Variants in SPAG1 observed in about 807,000 individuals in gnomAD.
SPAG1 encodes sperm-associated antigen 1.
SPAG1 carries 69 observed loss-of-function variants against 100.5 expected under a neutral mutation model. That is an observed-to-expected ratio of 0.69 (90% CI 0.57 to 0.84). SPAG1 has a LOEUF of 0.84. SPAG1 is among the 40% of genes least tolerant of loss of function. The pLI, the probability that SPAG1 is intolerant of heterozygous loss-of-function variation, is 0.00. For missense variants in SPAG1, 955 were observed against 1,133.1 expected, an observed-to-expected ratio of 0.84 and a Z score of 2.26; for synonymous variants, 336 against 411.6, an observed-to-expected ratio of 0.82 and a Z score of 2.22.
intron 10 of SPAG1, among the ~76,000 whole-genome samples, chr8:100,199,568 C>T (rs1247126052): frequency 6.6e-5 from 10 of 152,140 alleles, no homozygotes; most frequent in Non-Finnish European, 1.5e-4. Flanking sequence ...GCCTCAGCCT[C>T]CCAAGTAGCT....
At position 100,220,427 on chromosome 8, in the gene SPAG1, A is replaced by T. The variant is rs1171117187; in HGVS notation, c.1684A>T (p.Asn562Tyr). 9 of 1,608,666 alleles carry T rather than the reference A, an allele frequency of 5.6e-6. No homozygotes were observed. Among genetic ancestry groups the T allele is most frequent in the Non-Finnish European group, 7.6e-6 (9 of 1,178,416 alleles). Reference protein sequence around the residue: ...CGLQLANDSVNRLSRILMELD... With the variant: ...CGLQLANDSVYRLSRILMELD... ...ACTCCAGCTAGCAAATGACAGTGTT[A>T]ACAGGTAATTAATCTGAGGCAGCTA... The change falls in exon 13 of 19, where the codon AAC becomes TAC. Residue 562 changes from asparagine to tyrosine, a missense_variant. Physicochemically the swap from Asn to Tyr is moderately radical, Grantham distance 143. Transcript: ENST00000388798.
chr8:100,206,017 CAAAAAAAAAAAA>C (rs574907013), intron 10 of SPAG1, among the ~76,000 whole-genome samples: 9 of 77,346 alleles, frequency 1.2e-4, no homozygotes, highest in South Asian at 4.9e-4. Flanking sequence ...GACTCTGTCT[CAAAAAAAAAAAA>C]AAAAAAAAAA....
chr8:100,210,928 A>G (rs1217831012), intron 10 of SPAG1, among the ~76,000 whole-genome samples: 1 of 151,812 alleles, frequency 6.6e-6, no homozygotes, highest in Non-Finnish European at 1.5e-5. Flanking sequence ...CCCGGGGTCC[A>G]AATGATTCTC....
Position 100,162,261 on chromosome 8 carries a change from T to C in SPAG1, c.-2-18T>C. The C allele has an allele frequency of 6.4e-7, 1 of 1,562,718 alleles. No homozygotes were observed. Among genetic ancestry groups the C allele is most frequent in the Non-Finnish European group, 8.7e-7 (1 of 1,148,052 alleles). The stretch of plus-strand genomic sequence containing the variant: ...TATTTATACATTAGATTAATAACTT[T>C]TAAATATTGTATTTCAGCTATGACC... On this transcript the variant is annotated intron_variant, in intron 1 of 18. Coordinates refer to ENST00000388798, the MANE Select transcript of SPAG1 (RefSeq NM_003114.5).
rs1425700282 is a variant in SPAG1, at chr8:100,231,186, A to G, written c.1886A>G (p.Glu629Gly). Residue 629 changes from glutamate (E) to glycine (G), a missense_variant, in exon 15 of 19, where the codon GAA becomes GGA. Transcript: ENST00000388798. ...AAAACATTTAAAGCCCTTAAGGAAG[A>G]AGGAAATCAATGTGTAAATGACAAA... is the stretch of plus-strand genomic sequence containing the variant. ...DEKTFKALKE[E>G]GNQCVNDKNY... 1.2e-6 allele frequency: 2 copies of G among 1,608,480 alleles called. No homozygotes were observed. Among genetic ancestry groups the G allele is most frequent in the African/African-American group, 2.7e-5 (2 of 74,890 alleles).
intron 14 of SPAG1, among the ~76,000 whole-genome samples, chr8:100,225,999 T>G (rs889774446): frequency 6.3e-5 from 8 of 126,072 alleles, no homozygotes; most frequent in African/African-American, 2.1e-4. Flanking sequence ...TGCCAGCTAG[T>G]TTTTTTTTTT....
At chr8:100,179,376 C>G (rs1025620823) in intron 4 of SPAG1, among the ~76,000 whole-genome samples, 5 of 152,076 alleles carry the variant, frequency 3.3e-5, no homozygotes, top group African/African-American at 1.2e-4. Context: ...GAGGGAGAAT[C>G]CATCTCAAAA....
chr8:100,217,368 A>G (rs1818045838), intron 12 of SPAG1, among the ~76,000 whole-genome samples: 2 of 152,168 alleles, frequency 1.3e-5, no homozygotes, highest in Non-Finnish European at 2.9e-5. Context: ...TTTGGGAAAA[A>G]CTACCATTTG....
Position 100,187,256 on chromosome 8 carries a change from A to C in SPAG1, c.832+6A>C. On this transcript the variant is annotated splice_donor_region_variant and intron_variant, in intron 8 of 18. Coordinates refer to ENST00000388798, the MANE Select transcript of SPAG1 (RefSeq NM_003114.5). ...AGAACCTGGAAACGTAAAGGGTAAAAAATATTATAGAATTCTTTTACATTT... is the reference window on the plus strand; with the variant it reads ...AGAACCTGGAAACGTAAAGGGTAAACAATATTATAGAATTCTTTTACATTT... 1 of 1,599,838 alleles carries C rather than the reference A, an allele frequency of 6.3e-7. No homozygotes were observed. Among genetic ancestry groups the C allele is most frequent in the Non-Finnish European group, 8.5e-7 (1 of 1,172,826 alleles).
intron 14 of SPAG1, among the ~76,000 whole-genome samples, chr8:100,228,029 A>G (rs1019699920): frequency 2.0e-5 from 3 of 151,690 alleles, no homozygotes; most frequent in Non-Finnish European, 4.4e-5. Context: ...TTTTTTATAG[A>G]GACAGGATCT....
In SPAG1 at chr8:100,163,242, C is replaced by A. The variant is rs189472498; in HGVS notation, c.140+822C>A. Among the ~76,000 whole-genome samples, 1,255 of 152,160 alleles carry A rather than the reference C, an allele frequency of 8.2e-3. 9 individuals are homozygous for A. Among genetic ancestry groups the A allele is most frequent in the Non-Finnish European group, 0.013 (866 of 67,988 alleles). On this transcript the variant is annotated intron_variant, in intron 2 of 18. Coordinates refer to ENST00000388798, the MANE Select transcript of SPAG1 (RefSeq NM_003114.5). ...GCACATTTGAGGGCCCTATTCCCAG[C>A]GATTCTGCTTCAAAAAATCTGGGGT...
chr8:100,224,842 A>G lies in SPAG1; in HGVS notation c.1689-331A>G, dbSNP rs1478605965. Among the ~76,000 whole-genome samples, 7 of 152,146 alleles carry G rather than the reference A, an allele frequency of 4.6e-5. No individual in the cohort carries two copies. The East Asian group carries it at 1.2e-3, about 25-fold the overall frequency. On this transcript the variant is annotated intron_variant, in intron 13 of 18. Transcript: ENST00000388798. ...AATGATTTTAAATATTACAGGAGAC[A>G]TTTCTTCTAGGCCTCCTAAATTTTA...
chr8:100,166,053 C>T, intron 3 of SPAG1, 80 bp downstream of exon 3: 2 of 1,301,180 alleles, frequency 1.5e-6, no homozygotes, highest in Non-Finnish European at 2.1e-6. Context: ...AAATCCTAGG[C>T]TTCTTGTTTG....
At chr8:100,159,722 A>G (rs562659888) in intron 1 of SPAG1, among the ~76,000 whole-genome samples, 7 of 152,306 alleles carry the variant, frequency 4.6e-5, no homozygotes, top group Admixed American at 3.3e-4. Flanking sequence ...CAGGTAGTCT[A>G]TTTTTTATTC....
intron 10 of SPAG1, among the ~76,000 whole-genome samples, chr8:100,211,505 A>G (rs1363250052): frequency 6.6e-6 from 1 of 152,070 alleles, no homozygotes; most frequent in East Asian, 1.9e-4. Flanking sequence ...AAAATTTTAA[A>G]CATTAGCCAG....
intron 2 of SPAG1, chr8:100,165,076 GACA>G: frequency 3.1e-6 from 1 of 323,202 alleles, no homozygotes; most frequent in Non-Finnish European, 6.0e-6. Flanking sequence ...GAAGAGTACA[GACA>G]ACAAACAGGG....
intron 10 of SPAG1, among the ~76,000 whole-genome samples, chr8:100,205,530 T>C (rs761407539): frequency 2.0e-5 from 3 of 152,116 alleles, no homozygotes; most frequent in Non-Finnish European, 4.4e-5. Context: ...ATAATTGGCA[T>C]AGACATACTT....
At chr8:100,165,534 T>C (rs1815509667) in intron 2 of SPAG1, 2 of 370,782 alleles carry the variant, frequency 5.4e-6, no homozygotes, top group Non-Finnish European at 1.0e-5. Flanking sequence ...CCCCACTTCC[T>C]CCACGGTGCC....
intron 10 of SPAG1, chr8:100,194,634 A>T (rs983613260): frequency 4.9e-6 from 2 of 407,976 alleles, no homozygotes; most frequent in Non-Finnish European, 8.6e-6. Flanking sequence ...GTTTCAAAAC[A>T]GGTATGGGTA....
Sources: allele counts gnomAD v4.1 joint callset (sites outside exome capture counted in the v4.1 genomes callset), GRCh38; gene constraint gnomAD v4.1.1; transcripts MANE v1.5; gene names NCBI Gene and HGNC (gene_info 2026-07-23, HGNC 2026-07-21).